The following DYSF variants were observed in gnomAD, a reference collection of about 807,000 sequenced individuals.
DYSF encodes dystrophy-associated fer-1-like 1.
Under a neutral mutation model 274.9 loss-of-function variants are expected in DYSF, and 212 were observed. The observed-to-expected ratio is 0.77, with a 90% CI of 0.69 to 0.86. The LOEUF (loss-of-function observed/expected upper bound fraction) is 0.86. DYSF is among the 40% of genes least tolerant of loss of function. The pLI, the probability that DYSF is intolerant of heterozygous loss-of-function variation, is 0.00. For synonymous variants in DYSF, 1,091 were observed against 1,078.7 expected (o/e 1.01, Z -0.22); for missense variants, 2,666 against 2,783.2 (o/e 0.96, Z 0.95).
At chr2:71,627,003 A>G (rs1026027311) in intron 41 of DYSF, among the ~76,000 whole-genome samples, 1 of 151,214 alleles carries the variant, frequency 6.6e-6, no homozygotes, top group Non-Finnish European at 1.5e-5. Context: ...TTCTCCATCT[A>G]GTTATGCCTC....
chr2:71,617,658 CAGAGGTGGGGTGTGTGTGTGGT>C (rs796228473), intron 40 of DYSF, among the ~76,000 whole-genome samples: 2 of 35,498 alleles, frequency 5.6e-5, no homozygotes, highest in South Asian at 9.4e-4. Context: ...GTGTGTGTGG[CAGAGGTGGGGTGTGTGTGTGGT>C]AGAGGTGGGG....
intron 43 of DYSF, among the ~76,000 whole-genome samples, chr2:71,658,166 T>C (rs561178849): frequency 6.6e-6 from 1 of 152,302 alleles, no homozygotes; most frequent in South Asian, 2.1e-4. Flanking sequence ...GCTCCACAGA[T>C]TTCTAGGGCA....
At chr2:71,673,707 C>G (rs2095170245) in intron 51 of DYSF, among the ~76,000 whole-genome samples, 2 of 152,174 alleles carry the variant, frequency 1.3e-5, no homozygotes. Context: ...TTGAGTCCAG[C>G]TTGCCACTTC....
rs994817851 is a variant in DYSF, at chr2:71,641,497, T to A, written c.4528-2468T>A. The stretch of plus-strand genomic sequence containing the variant: ...GGTCTTTTGAAATCTTGCTCTGGGG[T>A]TTAATCATCAATTATAATATTCTCC... On this transcript the variant is annotated intron_variant, in intron 41 of 55. Transcript: ENST00000410020. 4.6e-5 allele frequency among the ~76,000 whole-genome samples: 7 copies of A among 152,292 alleles called. No individual in the cohort carries two copies. In the East Asian group the frequency reaches 1.2e-3, roughly 25 times the overall value.
chr2:71,668,864 T>G, intron 49 of DYSF, 22 bp downstream of exon 49: 1 of 1,609,016 alleles, frequency 6.2e-7, no homozygotes, highest in Admixed American at 1.7e-5. Flanking sequence ...AGCCACAGGC[T>G]CTGAGCTGGG....
chr2:71,467,115 G>A (rs1191109825), intron 1 of DYSF, among the ~76,000 whole-genome samples, 182 bp downstream of exon 1: 1 of 152,234 alleles, frequency 6.6e-6, no homozygotes, highest in Non-Finnish European at 1.5e-5. Flanking sequence ...AATAAGCAGA[G>A]CACAATAAAT....
At chr2:71,600,262 ACAGTTTCCCCATTTGCAAAGTGG>A (rs2093516594) in intron 33 of DYSF, among the ~76,000 whole-genome samples, 1 of 152,244 alleles carries the variant, frequency 6.6e-6, no homozygotes, top group African/African-American at 2.4e-5. Context: ...GAACGTGATC[ACAGTTTCCCCATTTGCAAAGTGG>A]GTGGGAATTT....
chr2:71,641,663 G>A (rs1331698575), intron 41 of DYSF, among the ~76,000 whole-genome samples: 2 of 151,830 alleles, frequency 1.3e-5, no homozygotes, highest in Non-Finnish European at 2.9e-5. Flanking sequence ...TTTGAAGACA[G>A]GCTTAGCTAC....
chr2:71,679,414 A>G (rs2095268211), intron 53 of DYSF, among the ~76,000 whole-genome samples, 179 bp downstream of exon 53: 1 of 148,466 alleles, frequency 6.7e-6, no homozygotes, highest in Non-Finnish European at 1.5e-5. Context: ...TTTCCTCCCA[A>G]TTCCCGGTCG....
chr2:71,602,559 CCTT>C (rs1367909308), intron 35 of DYSF: 8 of 535,950 alleles, frequency 1.5e-5, no homozygotes, highest in East Asian at 1.3e-4. Context: ...ATCCATCACA[CCTT>C]CTTTCCCAGG....
intron 1 of DYSF, among the ~76,000 whole-genome samples, 189 bp downstream of exon 1, chr2:71,467,122 A>G (rs1310490009): frequency 6.6e-6 from 1 of 152,218 alleles, no homozygotes; most frequent in East Asian, 1.9e-4. Context: ...AGAGCACAAT[A>G]AATGCCACAG....
intron 29 of DYSF, among the ~76,000 whole-genome samples, chr2:71,571,695 GCACAGATCACAGTCAGCACA>G (rs1416826407): frequency 1.1e-4 from 7 of 66,516 alleles, no homozygotes; most frequent in Admixed American, 2.0e-4. Context: ...CCCAGCACAT[GCACAGATCACAGTCAGCACA>G]CACAGATCAC....
chr2:71,453,919 C>A, exon 1 of DYSF: 2 of 1,417,934 alleles, frequency 1.4e-6, no homozygotes, highest in East Asian at 2.4e-5. Context: ...CGAGGGGACC[C>A]ACAAGCGGCG....
chr2:71,618,223 A>G (rs1419210217), intron 40 of DYSF, among the ~76,000 whole-genome samples: 2 of 94,186 alleles, frequency 2.1e-5, no homozygotes, highest in Admixed American at 1.3e-4. Context: ...TGTGTGTGGT[A>G]GAGGTGGGGT....
intron 5 of DYSF, among the ~76,000 whole-genome samples, chr2:71,512,193 G>A (rs751190760): frequency 6.6e-5 from 10 of 152,198 alleles, no homozygotes; most frequent in African/African-American, 2.4e-5. Context: ...GCCTGGGGAC[G>A]GGGCTGAGCC....
At chr2:71,581,439 C>T (rs188498628) in intron 30 of DYSF, among the ~76,000 whole-genome samples, 53 of 152,320 alleles carry the variant, frequency 3.5e-4, no homozygotes, top group Admixed American at 3.1e-3. Flanking sequence ...TCCTGTGTTC[C>T]GTTCTGTCTT....
chr2:71,495,295 C>T (rs964250801), intron 3 of DYSF, among the ~76,000 whole-genome samples: 2 of 152,202 alleles, frequency 1.3e-5, no homozygotes, highest in Non-Finnish European at 2.9e-5. Context: ...AGGAAACAGT[C>T]TCAGAAAGTT....
At chr2:71,683,347 G>T (rs1411348442) in intron 55 of DYSF, among the ~76,000 whole-genome samples, 2 of 152,144 alleles carry the variant, frequency 1.3e-5, no homozygotes, top group African/African-American at 4.8e-5. Flanking sequence ...GCTCTGTGGG[G>T]CCCTGCCTGG....
chr2:71,604,944 GT>G (rs941152953), intron 36 of DYSF, among the ~76,000 whole-genome samples: 42 of 152,110 alleles, frequency 2.8e-4, no homozygotes, highest in Non-Finnish European at 5.3e-4. Context: ...GATGTGGCCT[GT>G]TGGACAACAA....
Sources: gnomAD v4.1 joint callset for allele counts (sites outside exome capture counted in the v4.1 genomes callset) on GRCh38, gnomAD v4.1.1 for gene constraint, MANE v1.5 for transcripts, NCBI Gene and HGNC (gene_info 2026-07-23, HGNC 2026-07-21) for gene names.